Variants in SULF1 observed in about 807,000 individuals in gnomAD.
SULF1 encodes extracellular sulfatase Sulf-1.
SULF1 carries 46 observed loss-of-function variants against 110.5 expected under a neutral mutation model. The observed-to-expected ratio is 0.42, with a 90% CI of 0.33 to 0.53. SULF1 has a LOEUF of 0.53. Ranked by LOEUF, SULF1 falls within the 20% of genes least tolerant of loss-of-function variation. The probability of loss-of-function intolerance (pLI) is 0.12; values close to 1 mark genes in which losing one functional copy is unlikely to be tolerated. For synonymous variants in SULF1, 371 were observed against 387.1 expected, an observed-to-expected ratio of 0.96 and a Z score of 0.49; for missense variants, 941 against 1,094.2, an observed-to-expected ratio of 0.86 and a Z score of 1.98.
At chr8:69,550,604 AAAG>A (rs1586375245) in intron 3 of SULF1, among the ~76,000 whole-genome samples, 1 of 152,240 alleles carries the variant, frequency 6.6e-6, no homozygotes, top group African/African-American at 2.4e-5. Flanking sequence ...AGAGAGAAGG[AAAG>A]AAGACCAGAC....
chr8:69,493,777 G>A (rs1285531468), intron 1 of SULF1, among the ~76,000 whole-genome samples: 2 of 152,166 alleles, frequency 1.3e-5, no homozygotes, highest in African/African-American at 2.4e-5. Flanking sequence ...AAGAAACATG[G>A]ACACTAACTT....
intron 3 of SULF1, among the ~76,000 whole-genome samples, chr8:69,545,404 C>T (rs767977859): frequency 1.3e-5 from 2 of 152,110 alleles, no homozygotes; most frequent in South Asian, 2.1e-4. Flanking sequence ...TTTGACTACA[C>T]ATAGCAAAAA....
chr8:69,536,212 T>C lies in SULF1; in HGVS notation c.-133-27327T>C, dbSNP rs138548086. Among the ~76,000 whole-genome samples, 115 of 152,276 alleles carry C rather than the reference T, an allele frequency of 7.6e-4. 1 individual carries two copies. The highest frequency in any genetic ancestry group is 3.4e-3 in the Middle Eastern group (1 of 294). On this transcript the variant is annotated intron_variant, in intron 3 of 22. Transcript: ENST00000402687. The stretch of plus-strand genomic sequence containing the variant: ...TATTGCTGGTTAACAATACCACCCA[T>C]TGTCTGTTTGGTGTCAGTGAAGGCT...
chr8:69,502,614 C>T (rs758338972), intron 3 of SULF1, among the ~76,000 whole-genome samples: 75 of 151,510 alleles, frequency 5.0e-4, no homozygotes, highest in Non-Finnish European at 9.9e-4. Flanking sequence ...TTCAGTTCCT[C>T]TCTATTTCAT....
chr8:69,551,617 A>G (rs1014591121), intron 3 of SULF1, among the ~76,000 whole-genome samples: 1 of 152,176 alleles, frequency 6.6e-6, no homozygotes, highest in African/African-American at 2.4e-5. Context: ...AAATAATCCT[A>G]TCTTGTAAAT....
chr8:69,497,569 A>G (rs1810455216), intron 2 of SULF1, among the ~76,000 whole-genome samples: 1 of 152,240 alleles, frequency 6.6e-6, no homozygotes, highest in African/African-American at 2.4e-5. Flanking sequence ...GTGTATGTGT[A>G]AAGTATATAA....
chr8:69,538,219 A>T (rs1035864993), intron 3 of SULF1, among the ~76,000 whole-genome samples: 9 of 151,350 alleles, frequency 5.9e-5, no homozygotes, highest in Admixed American at 6.6e-5. Flanking sequence ...CTTTTTTTTC[A>T]AGGAAAAAGC....
chr8:69,531,014 G>C (rs1306851465), intron 3 of SULF1, among the ~76,000 whole-genome samples: 1 of 152,166 alleles, frequency 6.6e-6, no homozygotes, highest in African/African-American at 2.4e-5. Context: ...TGAGGTGGGA[G>C]GCATGATGAT....
intron 13 of SULF1, among the ~76,000 whole-genome samples, chr8:69,620,680 A>T (rs1218545828): frequency 6.6e-6 from 1 of 152,218 alleles, no homozygotes; most frequent in Non-Finnish European, 1.5e-5. Flanking sequence ...TGGTGAAAGC[A>T]GTCCTGACAG....
intron 3 of SULF1, among the ~76,000 whole-genome samples, chr8:69,538,086 C>T (rs758459631): frequency 4.6e-5 from 7 of 151,804 alleles, no homozygotes; most frequent in South Asian, 2.1e-4. Flanking sequence ...CTCAGCCTCC[C>T]GCGTAGCTGG....
intron 8 of SULF1, among the ~76,000 whole-genome samples, chr8:69,596,564 A>T (rs78484389): frequency 0.011 from 1,667 of 152,156 alleles, 30 homozygotes; most frequent in African/African-American, 0.038. Flanking sequence ...AGATTTTAGG[A>T]CTCACTTTTG....
intron 19 of SULF1, among the ~76,000 whole-genome samples, chr8:69,636,655 G>T (rs1417290487): frequency 2.6e-5 from 4 of 152,336 alleles, no homozygotes; most frequent in African/African-American, 7.2e-5. Flanking sequence ...TTGAAGAAGT[G>T]GTAGTCGATT....
intron 1 of SULF1, among the ~76,000 whole-genome samples, chr8:69,483,052 G>T (rs969780783): frequency 6.6e-6 from 1 of 152,138 alleles, no homozygotes; most frequent in Non-Finnish European, 1.5e-5. Context: ...ATCTAGAGAG[G>T]ATTCAAAGTA....
At chr8:69,516,830 T>C (rs1811956927) in intron 3 of SULF1, among the ~76,000 whole-genome samples, 2 of 152,152 alleles carry the variant, frequency 1.3e-5, no homozygotes, top group Non-Finnish European at 2.9e-5. Flanking sequence ...ATATTATCAT[T>C]GATATTATAT....
chr8:69,633,134 TC>T (rs1252889674), intron 19 of SULF1, among the ~76,000 whole-genome samples: 1 of 152,088 alleles, frequency 6.6e-6, no homozygotes, highest in African/African-American at 2.4e-5. Flanking sequence ...TCTTTGGAGG[TC>T]CAAAACATTT....
At chr8:69,534,410 A>T (rs945138622) in intron 3 of SULF1, among the ~76,000 whole-genome samples, 4 of 152,154 alleles carry the variant, frequency 2.6e-5, no homozygotes, top group Non-Finnish European at 4.4e-5. Flanking sequence ...TCTTTAAGAG[A>T]ATTATTTATA....
intron 3 of SULF1, among the ~76,000 whole-genome samples, chr8:69,523,145 G>C (rs568883716): frequency 2.8e-4 from 42 of 152,292 alleles, no homozygotes. Context: ...GATGAGAAGA[G>C]GTAGAATCTG....
chr8:69,549,503 C>T (rs1419056730), intron 3 of SULF1, among the ~76,000 whole-genome samples: 1 of 151,626 alleles, frequency 6.6e-6, no homozygotes, highest in Non-Finnish European at 1.5e-5. Context: ...TAGATTGTGC[C>T]TCCTGCACCC....
At chr8:69,570,170 G>C (rs959553795) in intron 5 of SULF1, among the ~76,000 whole-genome samples, 1 of 152,118 alleles carries the variant, frequency 6.6e-6, no homozygotes, top group Non-Finnish European at 1.5e-5. Flanking sequence ...ATCAGTAAGA[G>C]CTGGGTTTGC....
Sources: allele counts gnomAD v4.1 joint callset (sites outside exome capture counted in the v4.1 genomes callset), GRCh38; gene constraint gnomAD v4.1.1; transcripts MANE v1.5; gene names NCBI Gene and HGNC (gene_info 2026-07-23, HGNC 2026-07-21).